SUZ12: variants seen among roughly 807,000 people sequenced by gnomAD.
SUZ12 encodes the protein polycomb protein SUZ12.
A neutral mutation model predicts 87.3 loss-of-function variants in SUZ12; 17 were observed. The observed-to-expected ratio is 0.19, with a 90% CI of 0.13 to 0.29. SUZ12 has a LOEUF of 0.29. SUZ12 is among the 10% of genes least tolerant of loss of function. SUZ12 has a pLI of 1.00. For synonymous variants in SUZ12, 253 were observed against 312.4 expected (o/e 0.81, Z 2.01); for missense variants, 526 against 912.2 (o/e 0.58, Z 5.45).
chr17:31,988,533 G>A (rs550526415), intron 10 of SUZ12, 36 bp downstream of exon 10: 12 of 1,546,516 alleles, frequency 7.8e-6, no homozygotes, highest in Middle Eastern at 3.5e-4. Flanking sequence ...ATAAAATAAT[G>A]GTTTGCAGAG....
At chr17:31,949,420 T>TA (rs1253854233) in intron 4 of SUZ12, among the ~76,000 whole-genome samples, 9 of 152,160 alleles carry the variant, frequency 5.9e-5, no homozygotes, top group Non-Finnish European at 2.9e-5. Flanking sequence ...TCAAGATTCT[T>TA]ATGAATGTCT....
chr17:31,967,135 G>A (rs1367745115), intron 5 of SUZ12: 1 of 151,354 alleles, frequency 6.6e-6, no homozygotes, highest in Non-Finnish European at 1.5e-5. Flanking sequence ...AGAGTCGGAG[G>A]TTGCAATGAG....
rs1459697424 is a variant in SUZ12, at chr17:31,999,683, T to C, written c.*680T>C. On this transcript the variant is annotated 3_prime_UTR_variant, in exon 16 of 16. Transcript: ENST00000322652. ...TTGACAGTGAAATGCTATGTTGGTT[T>C]ATAAGATTACAGACCATTTGTTTTC... The C allele has an allele frequency of 4.3e-6, 1 of 232,212 alleles. No individual in the cohort carries two copies. The highest frequency in any genetic ancestry group is 2.2e-5 in the African/African-American group (1 of 45,328). 14.4% of individuals were successfully genotyped at this position (232,212 alleles called of 1,614,324 possible). A position where few individuals can be genotyped will look rare whatever the true frequency, so the allele number is the denominator to read the frequency against.
intron 1 of SUZ12, among the ~76,000 whole-genome samples, chr17:31,937,963 T>G (rs1223777030): frequency 1.4e-5 from 2 of 143,296 alleles, no homozygotes; most frequent in Admixed American, 7.3e-5. Flanking sequence ...CCGAAGAAAG[T>G]GTCCTTAGTC....
At chr17:31,952,066 G>T (rs896147834) in intron 4 of SUZ12, among the ~76,000 whole-genome samples, 3 of 151,802 alleles carry the variant, frequency 2.0e-5, no homozygotes, top group African/African-American at 7.3e-5. Context: ...GAGCCACTGC[G>T]CCCAGCCTTC....
chr17:31,943,985 C>T (rs1037468566), intron 3 of SUZ12, among the ~76,000 whole-genome samples: 1 of 151,986 alleles, frequency 6.6e-6, no homozygotes, highest in Non-Finnish European at 1.5e-5. Flanking sequence ...CGTGAGCCAC[C>T]GTGCCTGGCC....
intron 1 of SUZ12, among the ~76,000 whole-genome samples, chr17:31,938,127 T>TTTTC (rs1906049392): frequency 6.6e-6 from 1 of 152,192 alleles, no homozygotes; most frequent in African/African-American, 2.4e-5. Context: ...GAATTCTGCT[T>TTTTC]TTTCTACCTG....
intron 4 of SUZ12, among the ~76,000 whole-genome samples, chr17:31,957,417 CT>C (rs977497540): frequency 4.9e-4 from 70 of 142,780 alleles, no homozygotes; most frequent in Non-Finnish European, 4.2e-4. Context: ...TTTTTGTATT[CT>C]TTTTTTTTTT....
At chr17:31,998,050 C>T (rs1910071345) in intron 15 of SUZ12, among the ~76,000 whole-genome samples, 2 of 151,318 alleles carry the variant, frequency 1.3e-5, no homozygotes, top group Non-Finnish European at 2.9e-5. Context: ...CCAACCTGGG[C>T]AACACAGTGA....
intron 4 of SUZ12, chr17:31,965,940 T>G: frequency 2.5e-6 from 1 of 407,076 alleles, no homozygotes; most frequent in Non-Finnish European, 4.4e-6. Context: ...GGTTTTTTGT[T>G]GTTTATTTTT....
chr17:31,993,736 A>G, intron 11 of SUZ12, 129 bp from the exon 12 acceptor site: 1 of 1,022,656 alleles, frequency 9.8e-7, no homozygotes, highest in Non-Finnish European at 1.4e-6. Flanking sequence ...GGCATATTTA[A>G]TTAAAGAGAA....
chr17:31,954,714 G>A lies in SUZ12; in HGVS notation c.455+7029G>A, dbSNP rs549952983. ...AGGTGTTAGATTTGGGAATAATGAC[G>A]ATCAGGGAAGGCATCTCTGAAGAAA... On this transcript the variant is annotated intron_variant, in intron 4 of 15. Transcript: ENST00000322652. 5.3e-5 allele frequency among the ~76,000 whole-genome samples: 8 copies of A among 152,292 alleles called. No homozygotes were observed. In the South Asian group the frequency reaches 1.4e-3, roughly 28 times the overall value.
chr17:31,968,209 C>T (rs1262347942), intron 5 of SUZ12, among the ~76,000 whole-genome samples: 1 of 152,026 alleles, frequency 6.6e-6, no homozygotes, highest in Non-Finnish European at 1.5e-5. Flanking sequence ...GGCCAATTGT[C>T]AAAATGCTCT....
intron 3 of SUZ12, among the ~76,000 whole-genome samples, chr17:31,946,243 C>T (rs913275556): frequency 3.9e-5 from 6 of 152,100 alleles, no homozygotes; most frequent in African/African-American, 1.2e-4. Flanking sequence ...CAATAAATAG[C>T]TCTTTTTTGG....
In SUZ12 at chr17:31,970,365, C is replaced by G. The variant is rs2449780; in HGVS notation, c.506-2781C>G. ...GTTGCCGGCCAGGCGCAATGGCTCACGCCTGTAATCCCAGCACTTTGGGAG... is the reference window on the plus strand; with the variant it reads ...GTTGCCGGCCAGGCGCAATGGCTCAGGCCTGTAATCCCAGCACTTTGGGAG... On this transcript the variant is annotated intron_variant, in intron 5 of 15. Transcript: ENST00000322652. Among the ~76,000 whole-genome samples, 232 of 152,250 alleles carry G rather than the reference C, an allele frequency of 1.5e-3. 9 individuals are homozygous for G. The South Asian group carries it at 0.046, about 30-fold the overall frequency.
At chr17:31,959,094 G>A (rs1271722371) in intron 4 of SUZ12, among the ~76,000 whole-genome samples, 1 of 152,114 alleles carries the variant, frequency 6.6e-6, no homozygotes, top group African/African-American at 2.4e-5. Context: ...AATAAGATCT[G>A]ATGTTTTCCC....
rs765979197 is a variant in SUZ12, at chr17:32,000,332, G to C, written c.*1329G>C. 47 of 232,698 alleles carry C rather than the reference G, an allele frequency of 2.0e-4. No homozygotes were observed. The highest frequency in any genetic ancestry group is 3.6e-4 in the Non-Finnish European group (42 of 117,756). 14.4% of individuals were successfully genotyped at this position (232,698 alleles called of 1,614,324 possible). On this transcript the variant is annotated 3_prime_UTR_variant, in exon 16 of 16. Coordinates refer to ENST00000322652, the MANE Select transcript of SUZ12 (RefSeq NM_015355.4). ...GAAGGGATATATAAGCTTTCTAATG[G>C]TGTCTTCAGAAATTTATAAAATGTA...
intron 4 of SUZ12, among the ~76,000 whole-genome samples, chr17:31,949,500 T>C (rs1483135284): frequency 6.6e-6 from 1 of 152,010 alleles, no homozygotes. Flanking sequence ...GCTAAGACCC[T>C]ACATTATTAA....
chr17:31,958,576 G>C (rs907008053), intron 4 of SUZ12, among the ~76,000 whole-genome samples: 1 of 151,808 alleles, frequency 6.6e-6, no homozygotes, highest in African/African-American at 2.4e-5. Flanking sequence ...GGCCAGGTGC[G>C]GTGGCTCACG....
Sources: allele counts gnomAD v4.1 joint callset (sites outside exome capture counted in the v4.1 genomes callset), GRCh38; gene constraint gnomAD v4.1.1; transcripts MANE v1.5; gene names NCBI Gene and HGNC (gene_info 2026-07-23, HGNC 2026-07-21).